The following TMEM204 variants were observed in gnomAD, a reference collection of about 807,000 sequenced individuals.
TMEM204 encodes the protein transmembrane protein 204.
Under a neutral mutation model 19.4 loss-of-function variants are expected in TMEM204, and 15 were observed. The observed-to-expected ratio is 0.77, with a 90% CI of 0.52 to 1.19. The LOEUF (loss-of-function observed/expected upper bound fraction) is 1.19, where lower values mean the gene tolerates loss of function less well. Ranked by LOEUF, TMEM204 falls within the 50% of genes most tolerant of loss-of-function variation. The pLI, the probability that TMEM204 is intolerant of heterozygous loss-of-function variation, is 0.00. For synonymous variants in TMEM204, 161 were observed against 146.0 expected (o/e 1.10, Z -0.74); for missense variants, 287 against 321.2 (o/e 0.89, Z 0.81).
Position 1,555,098 on chromosome 16 carries a change from C to T in TMEM204, c.*72C>T. ...CAGCCTAGAAACCAAGGGACTCCACCACCAAGTCACTTCCCCTGCTCGTGC... is the reference window on the plus strand; with the variant it reads ...CAGCCTAGAAACCAAGGGACTCCACTACCAAGTCACTTCCCCTGCTCGTGC... On this transcript the variant is annotated 3_prime_UTR_variant, in exon 3 of 3. Coordinates refer to ENST00000566264, the MANE Select transcript of TMEM204 (RefSeq NM_024600.6). 6.5e-7 allele frequency: 1 copy of T among 1,526,748 alleles called. No individual in the cohort carries two copies. The highest frequency in any genetic ancestry group is 2.3e-5 in the East Asian group (1 of 43,586). 94.6% of individuals were successfully genotyped at this position (1,526,748 alleles called of 1,614,324 possible). A position where few individuals can be genotyped will look rare whatever the true frequency, so the allele number is the denominator to read the frequency against.
At chr16:1,550,835 C>T (rs896582664) in intron 2 of TMEM204, among the ~76,000 whole-genome samples, 3 of 152,236 alleles carry the variant, frequency 2.0e-5, no homozygotes, top group Non-Finnish European at 2.9e-5. Context: ...AAGTCAAGAG[C>T]GCCCTAGCCG....
chr16:1,554,431 T>C (rs1298653459), intron 2 of TMEM204, among the ~76,000 whole-genome samples: 1 of 152,174 alleles, frequency 6.6e-6, no homozygotes, highest in Admixed American at 6.5e-5. Context: ...CAAGCATCAG[T>C]GCTGACCTGA....
Position 1,553,507 on chromosome 16 carries a change from A to G in TMEM204, c.437-1275A>G, listed in dbSNP as rs1256803132. 1.0e-5 allele frequency: 10 copies of G among 992,184 alleles called. No homozygotes were observed. Among genetic ancestry groups the G allele is most frequent in the Non-Finnish European group, 1.2e-5 (10 of 833,686 alleles). 61.5% of individuals were successfully genotyped at this position (992,184 alleles called of 1,614,324 possible). On this transcript the variant is annotated intron_variant, in intron 2 of 2. Transcript: ENST00000566264. The surrounding 1 kb of genome is among the most constrained non-coding windows in gnomAD (Gnocchi z 4.4). ...CAGCAGTGGGGCTCGGCGTGGCCGG[A>G]GCCTGGGGAGGGACATGGACAAGTC...
chr16:1,552,958 T>C, intron 2 of TMEM204: 1 of 985,094 alleles, frequency 1.0e-6, no homozygotes, highest in Non-Finnish European at 1.2e-6. Flanking sequence ...TTGTCTAGAA[T>C]GTTATTTTTA....
chr16:1,541,782 A>G, intron 1 of TMEM204, 139 bp from the exon 2 acceptor site: 1 of 1,050,162 alleles, frequency 9.5e-7, no homozygotes, highest in Non-Finnish European at 1.3e-6. Context: ...TGCTTCCCGA[A>G]GCCACTGCCC....
intron 1 of TMEM204, among the ~76,000 whole-genome samples, chr16:1,538,820 G>T (rs183297176): frequency 7.5e-4 from 114 of 152,264 alleles, no homozygotes; most frequent in Non-Finnish European, 9.6e-4. Context: ...GCTGTACGTG[G>T]TCACTGCTTG....
In TMEM204 at chr16:1,553,530, G is replaced by A. The variant is rs1166591839; in HGVS notation, c.437-1252G>A. ...GGAGCCTGGGGAGGGACATGGACAA[G>A]TCCTCTATGGACAAGAGGGGCTGGA... On this transcript the variant is annotated intron_variant, in intron 2 of 2. Coordinates refer to ENST00000566264, the MANE Select transcript of TMEM204 (RefSeq NM_024600.6). This position sits in a 1 kb window ranked among gnomAD's most constrained non-coding sequence, Gnocchi z 4.4. The A allele has an allele frequency of 3.0e-6, 3 of 996,044 alleles. No homozygotes were observed. The highest frequency in any genetic ancestry group is 3.5e-5 in the African/African-American group (2 of 57,450). 61.7% of individuals were successfully genotyped at this position (996,044 alleles called of 1,614,324 possible).
Position 1,541,962 on chromosome 16 carries a change from G to A in TMEM204, c.322G>A (p.Ala108Thr). ...MMRACNLVATAALTAGQLTFL... is the reference protein window; with the variant it reads ...MMRACNLVATTALTAGQLTFL... ...GCGCGCCTGCAACCTGGTGGCCACGGCCGCGCTCACCGCAGGCCAGCTCAC... is the reference window on the plus strand; with the variant it reads ...GCGCGCCTGCAACCTGGTGGCCACGACCGCGCTCACCGCAGGCCAGCTCAC... Residue 108 changes from alanine (A) to threonine (T), a missense_variant, in exon 2 of 3, where the codon GCC (alanine) becomes ACC (threonine). Physicochemically the swap from Ala to Thr is moderately conservative, Grantham distance 58 (BLOSUM62 0). Transcript: ENST00000566264. 1 of 1,610,160 alleles carries A rather than the reference G, an allele frequency of 6.2e-7. No homozygotes were observed.
Position 1,534,035 on chromosome 16 carries a change from G to C in TMEM204, c.-241G>C, listed in dbSNP as rs2030791279. On this transcript the variant is annotated 5_prime_UTR_variant, in exon 1 of 3. Coordinates refer to ENST00000566264, the MANE Select transcript of TMEM204 (RefSeq NM_024600.6). The stretch of plus-strand genomic sequence containing the variant: ...CTGCTGCCCACCCTCTGCTCCCTGG[G>C]ATGGGCCCCGAGGCGAGCAGCTTCA... The C allele has an allele frequency of 3.7e-6, 2 of 534,116 alleles. No individual in the cohort carries two copies. Among genetic ancestry groups the C allele is most frequent in the African/African-American group, 2.0e-5 (1 of 49,490 alleles). The allele number at this position is 534,116 out of a possible 1,614,324, so 33.1% of individuals were successfully genotyped here. A position where few individuals can be genotyped will look rare whatever the true frequency, so the allele number is the denominator to read the frequency against.
At position 1,553,655 on chromosome 16, in the gene TMEM204, T is replaced by C. The variant is rs1017968316; in HGVS notation, c.437-1127T>C. On this transcript the variant is annotated intron_variant, in intron 2 of 2. Transcript: ENST00000566264. The surrounding 1 kb of genome is among the most constrained non-coding windows in gnomAD (Gnocchi z 4.4). ...TACTGTAACAGAGAGGGAGGGGTGCTGGGTGGGCAGAAGCGGGGCTGGGGC... is the reference window on the plus strand; with the variant it reads ...TACTGTAACAGAGAGGGAGGGGTGCCGGGTGGGCAGAAGCGGGGCTGGGGC... 3.6e-5 allele frequency: 36 copies of C among 1,001,806 alleles called. No homozygotes were observed. Among genetic ancestry groups the C allele is most frequent in the Admixed American group, 9.2e-5 (2 of 21,728 alleles). The allele number at this position is 1,001,806 out of a possible 1,614,324, so 62.1% of individuals were successfully genotyped here.
rs768066738 is a variant in TMEM204, at chr16:1,553,965, C to T, written c.437-817C>T. On this transcript the variant is annotated intron_variant, in intron 2 of 2. Coordinates refer to ENST00000566264, the MANE Select transcript of TMEM204 (RefSeq NM_024600.6). This position sits in a 1 kb window ranked among gnomAD's most constrained non-coding sequence, Gnocchi z 4.4. ...ACTGTAAGTGAAACTGTAGCATCAG[C>T]GACTAACTAGACGGGAACAAGCTGC... The T allele has an allele frequency of 9.4e-4, 1,216 of 1,287,040 alleles. 1 individual carries two copies. The highest frequency in any genetic ancestry group is 1.2e-3 in the Non-Finnish European group (1,139 of 988,650). The allele number at this position is 1,287,040 out of a possible 1,614,324, so 79.7% of individuals were successfully genotyped here. A position where few individuals can be genotyped will look rare whatever the true frequency, so the allele number is the denominator to read the frequency against.
upstream of TMEM204, among the ~76,000 whole-genome samples, chr16:1,530,277 C>A (rs1425049958): frequency 1.3e-5 from 2 of 151,702 alleles, no homozygotes; most frequent in Admixed American, 1.3e-4. Context: ...GGACTACAGG[C>A]ATGCGCCACC....
intron 1 of TMEM204, among the ~76,000 whole-genome samples, chr16:1,535,995 C>T (rs1284582104): frequency 6.6e-6 from 1 of 152,252 alleles, no homozygotes; most frequent in African/African-American, 2.4e-5. Flanking sequence ...CGTTACTGTG[C>T]TGAACCTCTC....
upstream of TMEM204, chr16:1,531,407 C>G (rs1157104647): frequency 6.6e-6 from 1 of 152,232 alleles, no homozygotes; most frequent in East Asian, 1.9e-4. This position sits in a 1 kb window ranked among gnomAD's most constrained non-coding sequence, Gnocchi z 4.7. Flanking sequence ...GCCGAGGCCG[C>G]CCCCTCCCTC....
At chr16:1,529,078 C>G, upstream of TMEM204, among the ~76,000 whole-genome samples, 1 of 152,226 alleles carries the variant, frequency 6.6e-6, no homozygotes, top group East Asian at 1.9e-4. Flanking sequence ...GTGTCTGTGG[C>G]TGCAACGCGG....
At chr16:1,546,836 T>C (rs1220843365) in intron 2 of TMEM204, among the ~76,000 whole-genome samples, 2 of 152,174 alleles carry the variant, frequency 1.3e-5, no homozygotes, top group African/African-American at 4.8e-5. Flanking sequence ...TTGGGTTGAG[T>C]CATATCTTCA....
upstream of TMEM204, chr16:1,532,276 A>T (rs1015542620): frequency 3.3e-5 from 5 of 152,270 alleles, no homozygotes; most frequent in African/African-American, 9.6e-5. Flanking sequence ...GCCAAGGAAG[A>T]GGGGAAAGGA....
At chr16:1,549,843 C>A (rs914064784) in intron 2 of TMEM204, among the ~76,000 whole-genome samples, 2 of 152,252 alleles carry the variant, frequency 1.3e-5, no homozygotes, top group Non-Finnish European at 2.9e-5. Flanking sequence ...TTGCTGTTTA[C>A]ACCTGATCTG....
At chr16:1,552,192 G>C (rs1157853952) in intron 2 of TMEM204, among the ~76,000 whole-genome samples, 4 of 152,284 alleles carry the variant, frequency 2.6e-5, no homozygotes, top group Admixed American at 2.0e-4. Flanking sequence ...GGAGAAACAG[G>C]CTGTGGCCAT....
Sources: gnomAD v4.1 joint callset for allele counts (sites outside exome capture counted in the v4.1 genomes callset) on GRCh38, gnomAD v4.1.1 for gene constraint, Gnocchi (gnomAD v3.1) non-coding constraint, MANE v1.5 for transcripts, NCBI Gene and HGNC (gene_info 2026-07-23, HGNC 2026-07-21) for gene names.